The following SSH1 variants were observed in gnomAD, a reference collection of about 807,000 sequenced individuals.
The protein encoded by SSH1 is protein phosphatase Slingshot homolog 1.
In SSH1, 43 loss-of-function variants were observed where a neutral mutation model predicts 79.7. The ratio of observed to expected loss-of-function variants is 0.54; its 90% confidence interval spans 0.42 to 0.70. The LOEUF is 0.70. Ranked by LOEUF, SSH1 falls within the 30% of genes least tolerant of loss-of-function variation. The pLI is 0.00. For missense variants in SSH1, 1,206 were observed against 1,358.8 expected (o/e 0.89, Z 1.77); for synonymous variants, 599 against 538.3 (o/e 1.11, Z -1.56).
In SSH1 at chr12:108,843,706, T is replaced by C. The variant is rs1339565509; in HGVS notation, c.110+8932A>G. Among the ~76,000 whole-genome samples, 5 of 152,138 alleles carry C rather than the reference T, an allele frequency of 3.3e-5. No homozygotes were observed. In the East Asian group the frequency reaches 7.7e-4, roughly 23 times the overall value. ...CGCGCCACCATACTCGGCTAATTTT[T>C]GTATTTTTAGCAGAGACAGGGTTTC... On this transcript the variant is annotated intron_variant, in intron 2 of 14. Transcript: ENST00000326495.
intron 2 of SSH1, among the ~76,000 whole-genome samples, chr12:108,847,202 A>G (rs1566019630): frequency 6.6e-6 from 1 of 152,098 alleles, no homozygotes; most frequent in Non-Finnish European, 1.5e-5. Context: ...CCTGGCCTAG[A>G]CAAGGAACAT....
intron 3 of SSH1, among the ~76,000 whole-genome samples, chr12:108,820,385 A>G (rs897219266): frequency 6.6e-5 from 10 of 152,138 alleles, no homozygotes; most frequent in African/African-American, 2.4e-4. Context: ...CATGTCACCA[A>G]TGCAACACAA....
At chr12:108,817,735 G>A (rs2137158061) in intron 4 of SSH1, among the ~76,000 whole-genome samples, 1 of 152,208 alleles carries the variant, frequency 6.6e-6, no homozygotes, top group East Asian at 1.9e-4. Flanking sequence ...TTCGTATTTA[G>A]CTTATTTAAC....
At chr12:108,854,055 A>G (rs1394352564) in intron 1 of SSH1, among the ~76,000 whole-genome samples, 1 of 152,254 alleles carries the variant, frequency 6.6e-6, no homozygotes, top group African/African-American at 2.4e-5. Flanking sequence ...GAAGGCTTCA[A>G]TGACCACAAA....
At chr12:108,806,852 C>T (rs2037304436) in intron 8 of SSH1, among the ~76,000 whole-genome samples, 1 of 152,218 alleles carries the variant, frequency 6.6e-6, no homozygotes, top group Non-Finnish European at 1.5e-5. Flanking sequence ...CTAGGGGACA[C>T]ACAGACCAGG....
At chr12:108,809,664 G>A (rs370314976) in intron 7 of SSH1, 29 bp downstream of exon 7, 109 of 1,581,548 alleles carry the variant, frequency 6.9e-5, no homozygotes, top group African/African-American at 1.5e-4. Context: ...TATTTCTAGG[G>A]AGTTAAAAGT....
At position 108,780,333 on chromosome 12, in the gene SSH1, A is replaced by C. The variant is rs968360; in HGVS notation, c.*7655T>G. 1 of 152,040 alleles carries C rather than the reference A, an allele frequency of 6.6e-6. No homozygotes were observed. Among genetic ancestry groups the C allele is most frequent in the Non-Finnish European group, 1.5e-5 (1 of 68,020 alleles). The allele number at this position is 152,040 out of a possible 1,614,324, so 9.4% of individuals were successfully genotyped here. On this transcript the variant is annotated 3_prime_UTR_variant, in exon 15 of 15. Transcript: ENST00000326495. ...CTGGGATCGTGCCCAACCGCGAGAC[A>C]GTTACTCTGAGGAGGAAATCAGGGC...
chr12:108,827,287 C>CA, intron 2 of SSH1: 1 of 1,551,114 alleles, frequency 6.4e-7, no homozygotes, highest in Non-Finnish European at 8.7e-7. Context: ...AACCTCTGGA[C>CA]AGCAGAAGCA....
At chr12:108,816,494 C>G (rs2037893021) in intron 5 of SSH1, among the ~76,000 whole-genome samples, 1 of 152,204 alleles carries the variant, frequency 6.6e-6, no homozygotes. Flanking sequence ...GGTCAATGCT[C>G]TAACTTACTT....
Position 108,792,743 on chromosome 12 carries a change from A to T in SSH1, c.1436T>A (p.Phe479Tyr), listed in dbSNP as rs2036567202. The change falls in exon 14 of 15, where the codon TTC becomes TAC. Residue 479 changes from phenylalanine (F) to tyrosine (Y), a missense_variant. Physicochemically the swap from Phe to Tyr is conservative, Grantham distance 22. Around this residue, in one of 5 missense-constraint regions of SSH1, gnomAD observed 709 missense variants for 730.6 expected, o/e 0.97. Transcript: ENST00000326495. Reference sequence around the variant, plus strand: ...GGTGCCATCTGGGGTCTCTGGCAAGAAGTCGCCAGGTCCTGCAGGGTCATC... The same window carrying T: ...GGTGCCATCTGGGGTCTCTGGCAAGTAGTCGCCAGGTCCTGCAGGGTCATC... ...PVDDPAGPGD[F>Y]LPETPDGTPE... is the part of the protein sequence containing the mutation. 1 of 1,613,880 alleles carries T rather than the reference A, an allele frequency of 6.2e-7. No homozygotes were observed. Among genetic ancestry groups the T allele is most frequent in the African/African-American group, 1.3e-5 (1 of 75,050 alleles).
intron 2 of SSH1, among the ~76,000 whole-genome samples, chr12:108,842,385 G>C (rs1053507861): frequency 2.0e-5 from 3 of 152,160 alleles, no homozygotes; most frequent in African/African-American, 7.2e-5. Flanking sequence ...TCAAACCCTG[G>C]CTCAGGCCTC....
At chr12:108,856,920 G>A (rs867241919) in intron 1 of SSH1, among the ~76,000 whole-genome samples, 2 of 152,356 alleles carry the variant, frequency 1.3e-5, no homozygotes, top group Middle Eastern at 6.8e-3. Context: ...TCACAAATGG[G>A]AGTCCCGACA....
chr12:108,804,022 C>G (rs1469588798), intron 10 of SSH1, among the ~76,000 whole-genome samples: 2 of 152,124 alleles, frequency 1.3e-5, no homozygotes, highest in African/African-American at 2.4e-5. Context: ...ACAATGGTTA[C>G]CATTAGTTAG....
intron 2 of SSH1, among the ~76,000 whole-genome samples, chr12:108,838,930 T>C (rs1268853972): frequency 1.3e-5 from 2 of 152,182 alleles, no homozygotes; most frequent in East Asian, 3.8e-4. Flanking sequence ...GTACAAACCT[T>C]CCCCTTACTT....
chr12:108,799,301 T>A (rs2036886528), intron 12 of SSH1, 101 bp from the exon 13 acceptor site: 1 of 1,022,704 alleles, frequency 9.8e-7, no homozygotes, highest in East Asian at 2.6e-5. Context: ...TTTACCCGAA[T>A]CATTTTTTTA....
intron 2 of SSH1, among the ~76,000 whole-genome samples, chr12:108,849,197 C>T (rs989306163): frequency 2.0e-5 from 3 of 152,186 alleles, no homozygotes; most frequent in Admixed American, 1.3e-4. Context: ...GCTTTATTTC[C>T]CATCCCTTTG....
At position 108,817,170 on chromosome 12, in the gene SSH1, G is replaced by A. The variant is rs753840102; in HGVS notation, c.280-11C>T. ...CTCCAGGCGCACTGCCTGGAACAGG[G>A]CAGACATGCTCTCACTAACCTGCCT... On this transcript the variant is annotated splice_polypyrimidine_tract_variant and intron_variant, in intron 4 of 14. Coordinates refer to ENST00000326495, the MANE Select transcript of SSH1 (RefSeq NM_018984.4). 1.9e-6 allele frequency: 3 copies of A among 1,613,320 alleles called. No individual in the cohort carries two copies. The highest frequency in any genetic ancestry group is 1.7e-5 in the Admixed American group (1 of 60,028).
At position 108,787,473 on chromosome 12, in the gene SSH1, C is replaced by T. The variant is rs1187032504; in HGVS notation, c.*515G>A. 6.4e-6 allele frequency: 1 copy of T among 156,318 alleles called. No homozygotes were observed. Among genetic ancestry groups the T allele is most frequent in the Non-Finnish European group, 1.4e-5 (1 of 70,502 alleles). 9.7% of individuals were successfully genotyped at this position (156,318 alleles called of 1,614,324 possible). A position where few individuals can be genotyped will look rare whatever the true frequency, so the allele number is the denominator to read the frequency against. ...ACGAAAAATTCTTTTTTTGGAAAAA[C>T]GCTTTCAGACAGAGCATTATTCCCT... On this transcript the variant is annotated 3_prime_UTR_variant, in exon 15 of 15. Transcript: ENST00000326495.
At chr12:108,822,997 A>C (rs948922545) in intron 3 of SSH1, among the ~76,000 whole-genome samples, 1 of 152,222 alleles carries the variant, frequency 6.6e-6, no homozygotes, top group Non-Finnish European at 1.5e-5. Context: ...TAACTGATAA[A>C]CTACAGAGAG....
Sources: gnomAD v4.1 joint callset for allele counts (sites outside exome capture counted in the v4.1 genomes callset) on GRCh38, gnomAD v4.1.1 for gene constraint, gnomAD v4.1.1 regional missense constraint, MANE v1.5 for transcripts, NCBI Gene and HGNC (gene_info 2026-07-23, HGNC 2026-07-21) for gene names.